The following LRP1B variants were observed in gnomAD, a reference collection of about 807,000 sequenced individuals.
LRP1B encodes the protein LDL receptor related protein 1B, also known as low-density lipoprotein receptor-related protein 1B.
LRP1B carries 217 observed loss-of-function variants against 556.6 expected under a neutral mutation model. That is an observed-to-expected ratio of 0.39 (90% CI 0.35 to 0.44). The LOEUF (loss-of-function observed/expected upper bound fraction) is 0.44. Among genes scored for constraint, LRP1B ranks in the 20% least tolerant of loss-of-function variants. LRP1B has a pLI of 1.00. For missense variants in LRP1B, 5,053 were observed against 5,620.8 expected (o/e 0.90, Z 3.23); for synonymous variants, 2,047 against 1,865.8 (o/e 1.10, Z -2.50).
chr2:140,624,992 G>A (rs1428639169), intron 41 of LRP1B, among the ~76,000 whole-genome samples: 1 of 152,116 alleles, frequency 6.6e-6, no homozygotes, highest in Non-Finnish European at 1.5e-5. Flanking sequence ...AGGAGGCCAG[G>A]AGCCGGGAAA....
chr2:142,119,400 T>A (rs1212845086), intron 1 of LRP1B, among the ~76,000 whole-genome samples: 1 of 149,182 alleles, frequency 6.7e-6, no homozygotes, highest in African/African-American at 2.6e-5. Context: ...TCTGTTTAGA[T>A]GCTCTTCATA....
intron 3 of LRP1B, among the ~76,000 whole-genome samples, chr2:141,275,009 A>T (rs556575525): frequency 6.6e-6 from 1 of 152,342 alleles, no homozygotes; most frequent in East Asian, 1.9e-4. Flanking sequence ...CCACCAAAAA[A>T]GAGAAAACCA....
chr2:141,862,447 C>T (rs558623179), intron 1 of LRP1B, among the ~76,000 whole-genome samples: 1 of 152,074 alleles, frequency 6.6e-6, no homozygotes, highest in African/African-American at 2.4e-5. Flanking sequence ...TGCATATTGC[C>T]CAGAGCTGGA....
At chr2:141,211,757 C>A (rs1682562997) in intron 6 of LRP1B, among the ~76,000 whole-genome samples, 1 of 152,144 alleles carries the variant, frequency 6.6e-6, no homozygotes, top group African/African-American at 2.4e-5. Flanking sequence ...AATGCTAATA[C>A]CTTCAACATT....
At chr2:140,983,913 A>G (rs1379599752) in intron 17 of LRP1B, among the ~76,000 whole-genome samples, 2 of 151,926 alleles carry the variant, frequency 1.3e-5, no homozygotes, top group East Asian at 3.9e-4. Context: ...TTTTAATGTT[A>G]AAATTACAAG....
At chr2:141,049,833 GCTGT>G (rs1698983431) in intron 10 of LRP1B, among the ~76,000 whole-genome samples, 1 of 151,992 alleles carries the variant, frequency 6.6e-6, no homozygotes, top group African/African-American at 2.4e-5. Context: ...AGAGGCTGAT[GCTGT>G]CTGACAGTAA....
intron 23 of LRP1B, chr2:140,898,751 CA>C: frequency 1.7e-6 from 1 of 575,588 alleles, no homozygotes. Flanking sequence ...TCTCTACCCT[CA>C]AGACCCTGAG....
chr2:140,891,070 A>T (rs1012641852), intron 23 of LRP1B, among the ~76,000 whole-genome samples: 28 of 152,248 alleles, frequency 1.8e-4, no homozygotes, highest in Non-Finnish European at 4.0e-4. Flanking sequence ...TATCCTCTTA[A>T]TAGAGAAGTG....
At chr2:141,644,005 GGAGAGTGTGT>G (rs763038503) in intron 2 of LRP1B, among the ~76,000 whole-genome samples, 1 of 58,916 alleles carries the variant, frequency 1.7e-5, no homozygotes, top group Non-Finnish European at 3.7e-5. Context: ...GGGAGAATGT[GGAGAGTGTGT>G]GTGTGTGTGT....
rs768633357 is a variant in LRP1B, at chr2:140,364,616, A to T, written c.11131+45T>A. The T allele has an allele frequency of 4.4e-6, 7 of 1,597,144 alleles. No homozygotes were observed. The Admixed American group carries it at 1.0e-4, about 23-fold the overall frequency. ...TCATTGATTCATGCTGGTGCCTGAG[A>T]TCAGAAGATAAAAGTATAATCTAGA... On this transcript the variant is annotated intron_variant, in intron 72 of 90. Coordinates refer to ENST00000389484, the MANE Select transcript of LRP1B (RefSeq NM_018557.3).
chr2:141,628,541 T>C (rs1442508261), intron 2 of LRP1B, among the ~76,000 whole-genome samples: 1 of 152,180 alleles, frequency 6.6e-6, no homozygotes, highest in African/African-American at 2.4e-5. Context: ...ATTTTAAGAA[T>C]GGTAAACATG....
intron 2 of LRP1B, among the ~76,000 whole-genome samples, chr2:141,496,419 G>C (rs898085424): frequency 6.6e-6 from 1 of 151,996 alleles, no homozygotes; most frequent in Admixed American, 6.6e-5. Context: ...CTTCTACACA[G>C]ACTACTCTTT....
At chr2:140,748,377 ATATATTCATATAT>A (rs529979228) in intron 35 of LRP1B, among the ~76,000 whole-genome samples, 48,987 of 88,012 alleles carry the variant, frequency 0.56, 14,073 homozygotes, top group Non-Finnish European at 0.66. Flanking sequence ...ATATATGTAT[ATATATTCATATAT>A]TATATTCATA....
intron 3 of LRP1B, among the ~76,000 whole-genome samples, chr2:141,321,233 C>G (rs780006109): frequency 6.6e-6 from 1 of 152,004 alleles, no homozygotes; most frequent in Non-Finnish European, 1.5e-5. Context: ...ATTGTTTCAG[C>G]AATTTTTAGG....
rs566378538 is a variant in LRP1B at position 140,460,449 on chromosome 2, G to A, written c.9626-2798C>T. ...AACAAACAAACCCTTAATTAATGCT[G>A]AGATGTCGTTAAATTTAGGGGAAAA... On this transcript the variant is annotated intron_variant, in intron 60 of 90. Transcript: ENST00000389484. Among the ~76,000 whole-genome samples, 6 of 152,272 alleles carry A rather than the reference G, an allele frequency of 3.9e-5. 1 individual carries two copies. The East Asian group carries it at 9.7e-4, about 25-fold the overall frequency.
intron 2 of LRP1B, among the ~76,000 whole-genome samples, chr2:141,684,091 T>C (rs1691203772): frequency 6.6e-6 from 1 of 152,012 alleles, no homozygotes; most frequent in African/African-American, 2.4e-5. Context: ...GACCCAGCAA[T>C]CCCATTACTG....
At chr2:140,347,628 A>G (rs1681753056) in intron 77 of LRP1B, among the ~76,000 whole-genome samples, 1 of 152,016 alleles carries the variant, frequency 6.6e-6, no homozygotes, top group African/African-American at 2.4e-5. Context: ...ATCTGCAAGT[A>G]TGCTTTAAAA....
intron 43 of LRP1B, among the ~76,000 whole-genome samples, chr2:140,584,105 T>G (rs1474394800): frequency 3.9e-5 from 6 of 152,072 alleles, no homozygotes; most frequent in Non-Finnish European, 8.8e-5. Flanking sequence ...AGGGAAATAT[T>G]GCCTCAAGCT....
intron 43 of LRP1B, among the ~76,000 whole-genome samples, chr2:140,545,339 CT>C (rs1558958115): frequency 1.3e-5 from 2 of 151,726 alleles, no homozygotes; most frequent in African/African-American, 2.4e-5. Context: ...CTTTTGGTGC[CT>C]TTGTCATAAA....
Sources: allele counts gnomAD v4.1 joint callset (sites outside exome capture counted in the v4.1 genomes callset), GRCh38; gene constraint gnomAD v4.1.1; transcripts MANE v1.5; gene names NCBI Gene and HGNC (gene_info 2026-07-23, HGNC 2026-07-21).